The following TRPC7 variants were observed in gnomAD, a reference collection of about 807,000 sequenced individuals.
TRPC7 encodes short transient receptor potential channel 7.
In TRPC7, 42 loss-of-function variants were observed where a neutral mutation model predicts 90.1. The observed-to-expected ratio is 0.47, with a 90% CI of 0.36 to 0.60. The LOEUF is 0.60. Ranked by LOEUF, TRPC7 falls within the 20% of genes least tolerant of loss-of-function variation. TRPC7 has a pLI of 0.00. For missense variants in TRPC7, 955 were observed against 1,112.3 expected, an observed-to-expected ratio of 0.86 and a Z score of 2.01; for synonymous variants, 451 against 436.3, an observed-to-expected ratio of 1.03 and a Z score of -0.42.
At chr5:136,271,877 C>T (rs988683637) in intron 4 of TRPC7, among the ~76,000 whole-genome samples, 1 of 152,224 alleles carries the variant, frequency 6.6e-6, no homozygotes, top group African/African-American at 2.4e-5. Flanking sequence ...TAGGGACCCT[C>T]AGAAACAATA....
At chr5:136,295,368 C>T (rs551901199) in intron 3 of TRPC7, among the ~76,000 whole-genome samples, 2 of 152,210 alleles carry the variant, frequency 1.3e-5, no homozygotes, top group Admixed American at 6.5e-5. Flanking sequence ...AGGGCGGCTA[C>T]CTGTGGATCT....
chr5:136,305,180 CT>C (rs1250658780), intron 3 of TRPC7, among the ~76,000 whole-genome samples: 1 of 152,190 alleles, frequency 6.6e-6, no homozygotes, highest in African/African-American at 2.4e-5. Context: ...CATATTATTC[CT>C]GATACCACAC....
chr5:136,290,370 T>C (rs1177653859), intron 3 of TRPC7, among the ~76,000 whole-genome samples: 2 of 151,892 alleles, frequency 1.3e-5, no homozygotes, highest in East Asian at 1.9e-4. Flanking sequence ...TTCGAACCAA[T>C]GGCAAAGAAG....
At chr5:136,221,211 T>A (rs1422188824) in intron 10 of TRPC7, among the ~76,000 whole-genome samples, 1 of 152,144 alleles carries the variant, frequency 6.6e-6, no homozygotes, top group Non-Finnish European at 1.5e-5. Flanking sequence ...GATAATAAGC[T>A]TTCTCCAAGT....
At chr5:136,279,001 C>T (rs915839059) in intron 3 of TRPC7, among the ~76,000 whole-genome samples, 49 of 152,260 alleles carry the variant, frequency 3.2e-4, no homozygotes, top group African/African-American at 1.2e-3. Context: ...CAGTTGCGAA[C>T]TGAGCCTTCC....
At chr5:136,253,709 T>A (rs1756599508) in intron 5 of TRPC7, among the ~76,000 whole-genome samples, 1 of 152,174 alleles carries the variant, frequency 6.6e-6, no homozygotes, top group African/African-American at 2.4e-5. Context: ...GGCCTCCTAT[T>A]CCCAGTATTT....
intron 7 of TRPC7, among the ~76,000 whole-genome samples, chr5:136,244,633 T>C (rs77032135): frequency 6.6e-6 from 1 of 152,218 alleles, no homozygotes; most frequent in Non-Finnish European, 1.5e-5. Context: ...CAGGGTCTGA[T>C]CACAGAAAGT....
chr5:136,324,224 T>A (rs557305457), intron 2 of TRPC7, among the ~76,000 whole-genome samples: 1 of 152,276 alleles, frequency 6.6e-6, no homozygotes, highest in Admixed American at 6.5e-5. Flanking sequence ...GACAAACATG[T>A]TGTCTGAAAA....
chr5:136,299,214 TA>T (rs1436674814), intron 3 of TRPC7, among the ~76,000 whole-genome samples: 1 of 151,396 alleles, frequency 6.6e-6, no homozygotes, highest in Non-Finnish European at 1.5e-5. Flanking sequence ...GGCAGGAGAA[TA>T]ACTTGAACTT....
chr5:136,284,007 C>T (rs923646470), intron 3 of TRPC7, among the ~76,000 whole-genome samples: 2 of 152,202 alleles, frequency 1.3e-5, no homozygotes, highest in African/African-American at 4.8e-5. Context: ...TACTTCTGTC[C>T]TCTTGGTGCT....
intron 2 of TRPC7, among the ~76,000 whole-genome samples, chr5:136,354,163 CAG>C (rs1379310335): frequency 2.0e-5 from 3 of 152,142 alleles, no homozygotes; most frequent in African/African-American, 7.2e-5. Flanking sequence ...ACGGCCAATG[CAG>C]AATAGGTCAG....
At chr5:136,320,314 T>C (rs1759150710) in intron 2 of TRPC7, among the ~76,000 whole-genome samples, 1 of 152,174 alleles carries the variant, frequency 6.6e-6, no homozygotes, top group African/African-American at 2.4e-5. Context: ...GTCCAAACCA[T>C]CATAATGTAT....
chr5:136,257,285 C>T (rs1406434386), intron 5 of TRPC7, among the ~76,000 whole-genome samples: 1 of 151,374 alleles, frequency 6.6e-6, no homozygotes, highest in Non-Finnish European at 1.5e-5. Flanking sequence ...TGGGTTCAAG[C>T]GATTCTTCTG....
intron 4 of TRPC7, among the ~76,000 whole-genome samples, chr5:136,267,829 T>C (rs1757084088): frequency 6.6e-6 from 1 of 152,226 alleles, no homozygotes; most frequent in South Asian, 2.1e-4. Context: ...CTGCATATTG[T>C]CATATGACAC....
chr5:136,335,194 G>C (rs1759614942), intron 2 of TRPC7, among the ~76,000 whole-genome samples: 1 of 151,998 alleles, frequency 6.6e-6, no homozygotes, highest in Non-Finnish European at 1.5e-5. Flanking sequence ...ACAATTCCCA[G>C]GCTTTTACCT....
At chr5:136,331,669 C>G (rs889990981) in intron 2 of TRPC7, among the ~76,000 whole-genome samples, 1 of 152,176 alleles carries the variant, frequency 6.6e-6, no homozygotes, top group African/African-American at 2.4e-5. Context: ...CAAAGTTGTT[C>G]CGCTCAGTTC....
intron 3 of TRPC7, among the ~76,000 whole-genome samples, chr5:136,308,865 G>A (rs969795623): frequency 4.6e-5 from 7 of 152,182 alleles, no homozygotes; most frequent in African/African-American, 7.2e-5. Flanking sequence ...GAGCAGTCAG[G>A]CTCCCAGCCA....
rs1755248872 is a variant in TRPC7 at position 136,215,854 on chromosome 5, G to C, written c.2419+346C>G. Reference sequence around the variant, plus strand: ...AAAAAAAAAAATGGTGGAGGAGGAAGGCAGAAGAGTGGGGTCAGAGATGGG... The same window carrying C: ...AAAAAAAAAAATGGTGGAGGAGGAACGCAGAAGAGTGGGGTCAGAGATGGG... On this transcript the variant is annotated intron_variant, in intron 11 of 11. Transcript: ENST00000513104. Among the ~76,000 whole-genome samples the C allele has an allele frequency of 2.0e-5, 3 of 150,592 alleles. No homozygotes were observed. The South Asian group carries it at 6.3e-4, about 32-fold the overall frequency.
chr5:136,299,433 T>A (rs1180182767), intron 3 of TRPC7, among the ~76,000 whole-genome samples: 1 of 151,168 alleles, frequency 6.6e-6, no homozygotes, highest in African/African-American at 2.4e-5. Flanking sequence ...ACCAGTTAGA[T>A]GCTATTCTAA....
Sources: gnomAD v4.1 joint callset for allele counts (sites outside exome capture counted in the v4.1 genomes callset) on GRCh38, gnomAD v4.1.1 for gene constraint, MANE v1.5 for transcripts, NCBI Gene and HGNC (gene_info 2026-07-23, HGNC 2026-07-21) for gene names.